SNTG1: variants seen among roughly 807,000 people sequenced by gnomAD.
SNTG1 encodes the protein syntrophin gamma 1.
A neutral mutation model predicts 74.7 loss-of-function variants in SNTG1; 39 were observed. The ratio of observed to expected loss-of-function variants is 0.52; its 90% CI spans 0.40 to 0.68. The LOEUF (loss-of-function observed/expected upper bound fraction) is 0.68. Among genes scored for constraint, SNTG1 ranks in the 30% least tolerant of loss-of-function variants. The pLI is 0.00. For missense variants in SNTG1, 685 were observed against 609.5 expected (o/e 1.12, Z -1.30); for synonymous variants, 254 against 217.1 (o/e 1.17, Z -1.49).
chr8:50,494,785 T>C (rs970454024), intron 8 of SNTG1, among the ~76,000 whole-genome samples: 3 of 152,106 alleles, frequency 2.0e-5, no homozygotes, highest in Non-Finnish European at 4.4e-5. Context: ...TTGTTTTAAT[T>C]GAGTCTTTGA....
chr8:49,992,268 G>T (rs1009862816), intron 1 of SNTG1, among the ~76,000 whole-genome samples: 35 of 152,134 alleles, frequency 2.3e-4, no homozygotes, highest in African/African-American at 8.5e-4. Flanking sequence ...ATAGGTCAAG[G>T]TGTGTGGGAG....
At chr8:50,205,966 T>A (rs968161687) in intron 2 of SNTG1, among the ~76,000 whole-genome samples, 7 of 152,194 alleles carry the variant, frequency 4.6e-5, no homozygotes, top group Non-Finnish European at 7.3e-5. Flanking sequence ...TTTTGGTTAC[T>A]GTAGACTTGT....
chr8:50,600,617 ATT>A (rs2094765753), intron 13 of SNTG1, among the ~76,000 whole-genome samples: 3 of 152,132 alleles, frequency 2.0e-5, no homozygotes, highest in African/African-American at 4.8e-5. Context: ...TTTCTATTGA[ATT>A]TATGTGGTAT....
At chr8:50,442,250 T>G in intron 5 of SNTG1, among the ~76,000 whole-genome samples, 1 of 152,226 alleles carries the variant, frequency 6.6e-6, no homozygotes, top group East Asian at 1.9e-4. Flanking sequence ...CAGTTATTCT[T>G]TCATTGCTGT....
intron 1 of SNTG1, among the ~76,000 whole-genome samples, chr8:50,064,401 G>C (rs1377044646): frequency 6.6e-6 from 1 of 151,898 alleles, no homozygotes; most frequent in Non-Finnish European, 1.5e-5. Context: ...ATCTCCTTCT[G>C]CTTACCTTGA....
intron 13 of SNTG1, among the ~76,000 whole-genome samples, chr8:50,612,950 G>A (rs1424407450): frequency 6.6e-6 from 1 of 151,958 alleles, no homozygotes; most frequent in African/African-American, 2.4e-5. Flanking sequence ...AAAGAAATCG[G>A]TAATAAGATG....
At chr8:50,744,847 C>T (rs1435207610) in intron 17 of SNTG1, among the ~76,000 whole-genome samples, 1 of 151,892 alleles carries the variant, frequency 6.6e-6, no homozygotes, top group Non-Finnish European at 1.5e-5. Context: ...AAAATACTCA[C>T]CTGCAAAAGG....
intron 5 of SNTG1, among the ~76,000 whole-genome samples, chr8:50,444,584 T>G (rs1331150965): frequency 6.6e-6 from 1 of 151,992 alleles, no homozygotes; most frequent in Non-Finnish European, 1.5e-5. Context: ...ACTCCAACTC[T>G]ACTAAAAATA....
At chr8:50,759,745 T>C (rs1478126598) in intron 18 of SNTG1, among the ~76,000 whole-genome samples, 1 of 152,134 alleles carries the variant, frequency 6.6e-6, no homozygotes, top group Non-Finnish European at 1.5e-5. Context: ...TTGGTTACTG[T>C]AGCCTTGTAG....
At chr8:50,179,047 G>C (rs1248567056) in intron 2 of SNTG1, among the ~76,000 whole-genome samples, 1 of 152,086 alleles carries the variant, frequency 6.6e-6, no homozygotes, top group Non-Finnish European at 1.5e-5. Flanking sequence ...TCACTCTTTT[G>C]AGTACTGATT....
At chr8:50,516,915 C>A (rs1050395430) in intron 9 of SNTG1, among the ~76,000 whole-genome samples, 1 of 152,054 alleles carries the variant, frequency 6.6e-6, no homozygotes, top group African/African-American at 2.4e-5. Context: ...GCAAGGCAGG[C>A]CAACATTCAA....
intron 8 of SNTG1, among the ~76,000 whole-genome samples, chr8:50,473,565 G>A (rs2131763397): frequency 6.6e-6 from 1 of 152,216 alleles, no homozygotes; most frequent in South Asian, 2.1e-4. Context: ...GTCTCCTCTG[G>A]GTTTATATTC....
intron 4 of SNTG1, among the ~76,000 whole-genome samples, chr8:50,429,167 A>C (rs909844484): frequency 6.6e-6 from 1 of 152,144 alleles, no homozygotes; most frequent in Non-Finnish European, 1.5e-5. Context: ...AAGGAGATGA[A>C]AGAGATTTCA....
At position 50,105,847 on chromosome 8, in the gene SNTG1, A is replaced by G. The variant is rs188277076; in HGVS notation, c.-102-66714A>G. ...CTTTCAGCTTGGACATTACTGGCAT[A>G]TAGAAATCCTACTGATTTTTATACA... On this transcript the variant is annotated intron_variant, in intron 1 of 18. Coordinates refer to ENST00000642720, the MANE Select transcript of SNTG1 (RefSeq NM_018967.5). 1.1e-3 allele frequency among the ~76,000 whole-genome samples: 175 copies of G among 152,252 alleles called. No homozygotes were observed. The Middle Eastern group carries it at 0.014, about 12-fold the overall frequency.
chr8:50,277,719 C>T (rs181821975), intron 2 of SNTG1, among the ~76,000 whole-genome samples: 1 of 152,116 alleles, frequency 6.6e-6, no homozygotes, highest in Non-Finnish European at 1.5e-5. Flanking sequence ...AAAATCATAA[C>T]CTTTTCTGAG....
At chr8:50,361,238 C>T (rs889021106) in intron 2 of SNTG1, among the ~76,000 whole-genome samples, 2 of 152,178 alleles carry the variant, frequency 1.3e-5, no homozygotes, top group African/African-American at 4.8e-5. Context: ...CTGTCTTCCA[C>T]CTCCTCTTGT....
At chr8:50,103,387 T>G (rs1298172326) in intron 1 of SNTG1, among the ~76,000 whole-genome samples, 2 of 152,192 alleles carry the variant, frequency 1.3e-5, no homozygotes, top group African/African-American at 4.8e-5. Flanking sequence ...ATAAGAATGC[T>G]TGTGATTTTT....
chr8:50,118,056 T>A (rs2080882377), intron 1 of SNTG1, among the ~76,000 whole-genome samples: 1 of 152,146 alleles, frequency 6.6e-6, no homozygotes, highest in African/African-American at 2.4e-5. Flanking sequence ...CCTACTTGCT[T>A]CTCTATTTTC....
At chr8:50,512,599 G>A (rs1018347218) in intron 9 of SNTG1, among the ~76,000 whole-genome samples, 2 of 152,064 alleles carry the variant, frequency 1.3e-5, no homozygotes, top group African/African-American at 4.8e-5. Context: ...ATATTTCTTG[G>A]AGGCTTTGCT....
Sources: gnomAD v4.1 joint callset for allele counts (sites outside exome capture counted in the v4.1 genomes callset) on GRCh38, gnomAD v4.1.1 for gene constraint, MANE v1.5 for transcripts, NCBI Gene and HGNC (gene_info 2026-07-23, HGNC 2026-07-21) for gene names.